The following FSIP1 variants were observed in gnomAD, a reference collection of about 807,000 sequenced individuals.
FSIP1 encodes fibrous sheath interacting protein 1, also known as fibrous sheath-interacting protein 1.
In FSIP1, 65 loss-of-function variants were observed where a neutral mutation model predicts 60.9. The ratio of observed to expected loss-of-function variants is 1.07; its 90% CI spans 0.87 to 1.31. The LOEUF (loss-of-function observed/expected upper bound fraction) is 1.31, where lower values mean the gene tolerates loss of function less well. Among genes scored for constraint, FSIP1 ranks in the 40% most tolerant of loss-of-function variants. The pLI is 0.00. For synonymous variants in FSIP1, 209 were observed against 221.2 expected (o/e 0.94, Z 0.49); for missense variants, 675 against 665.5 (o/e 1.01, Z -0.16).
Position 39,702,714 on chromosome 15 carries a change from A to C in FSIP1, c.1188+10730T>G, listed in dbSNP as rs1366974028. On this transcript the variant is annotated intron_variant, in intron 10 of 11. Transcript: ENST00000350221. ...GTGTGAGTGTGTATCACATATTATA[A>C]TTTTTACAATAATTATTTTATATAA... is the stretch of plus-strand genomic sequence containing the variant. Among the ~76,000 whole-genome samples, 4 of 151,020 alleles carry C rather than the reference A, an allele frequency of 2.6e-5. No homozygotes were observed. The East Asian group carries it at 7.8e-4, about 29-fold the overall frequency.
At chr15:39,697,348 G>A (rs1894861986) in intron 10 of FSIP1, among the ~76,000 whole-genome samples, 1 of 152,192 alleles carries the variant, frequency 6.6e-6, no homozygotes, top group African/African-American at 2.4e-5. Flanking sequence ...CGCCTCAGTG[G>A]AGGCAGGGCC....
At chr15:39,743,057 T>C (rs1896858389) in intron 5 of FSIP1, among the ~76,000 whole-genome samples, 1 of 152,222 alleles carries the variant, frequency 6.6e-6, no homozygotes. Context: ...CAACATTTTA[T>C]TATCAGTTTA....
At chr15:39,776,811 G>C (rs1055761987) in intron 1 of FSIP1, among the ~76,000 whole-genome samples, 2 of 152,002 alleles carry the variant, frequency 1.3e-5, no homozygotes, top group Admixed American at 1.3e-4. Flanking sequence ...TTGCTTCCTG[G>C]GCCTCCAGGA....
chr15:39,651,488 C>A (rs4606692), intron 10 of FSIP1, among the ~76,000 whole-genome samples: 1 of 152,086 alleles, frequency 6.6e-6, no homozygotes, highest in African/African-American at 2.4e-5. Flanking sequence ...TTCCTCCTCA[C>A]AGCAGGTGTG....
At chr15:39,599,771 A>T (rs1890575737), downstream of FSIP1, among the ~76,000 whole-genome samples, 1 of 152,220 alleles carries the variant, frequency 6.6e-6, no homozygotes, top group African/African-American at 2.4e-5. Context: ...ACAACTTTTA[A>T]CTTATACTTC....
At chr15:39,689,732 A>C (rs1224802272) in intron 10 of FSIP1, among the ~76,000 whole-genome samples, 3 of 152,230 alleles carry the variant, frequency 2.0e-5, no homozygotes, top group African/African-American at 7.2e-5. Context: ...ACTTAATCAA[A>C]TTACTGTATT....
intron 11 of FSIP1, among the ~76,000 whole-genome samples, chr15:39,616,258 T>C (rs1246712064): frequency 6.6e-6 from 1 of 152,232 alleles, no homozygotes; most frequent in Non-Finnish European, 1.5e-5. Flanking sequence ...TAAAACTGGT[T>C]ATACATTTAA....
intron 9 of FSIP1, among the ~76,000 whole-genome samples, chr15:39,715,248 C>G (rs1336837768): frequency 6.6e-6 from 1 of 152,116 alleles, no homozygotes; most frequent in African/African-American, 2.4e-5. Context: ...TCCCCCAATT[C>G]CAACCCTCCA....
At chr15:39,607,235 T>C (rs1240906749) in intron 11 of FSIP1, among the ~76,000 whole-genome samples, 1 of 152,238 alleles carries the variant, frequency 6.6e-6, no homozygotes, top group African/African-American at 2.4e-5. Context: ...TGGTTTTACA[T>C]GGACAGGTCT....
At chr15:39,712,616 G>A (rs62004768) in intron 10 of FSIP1, among the ~76,000 whole-genome samples, 16,370 of 152,142 alleles carry the variant, frequency 0.11, 1,015 homozygotes, top group Middle Eastern at 0.23. Context: ...GGTAATTACC[G>A]CAAGACCACA....
intron 5 of FSIP1, among the ~76,000 whole-genome samples, chr15:39,753,196 C>T (rs1897213553): frequency 1.3e-5 from 2 of 151,952 alleles, no homozygotes; most frequent in Admixed American, 6.6e-5. Context: ...CAGAGAAGTG[C>T]CTCCAAGAAA....
chr15:39,756,024 T>A (rs566682960), intron 5 of FSIP1, among the ~76,000 whole-genome samples: 1 of 152,190 alleles, frequency 6.6e-6, no homozygotes, highest in East Asian at 1.9e-4. Flanking sequence ...AGTAATGGGA[T>A]GGGACAGACT....
chr15:39,668,536 C>G (rs1893592383), intron 10 of FSIP1, among the ~76,000 whole-genome samples: 1 of 152,164 alleles, frequency 6.6e-6, no homozygotes, highest in South Asian at 2.1e-4. Context: ...AGAAAATTAG[C>G]CTATATTGTG....
chr15:39,755,609 T>C (rs1897277362), intron 5 of FSIP1, among the ~76,000 whole-genome samples: 1 of 152,158 alleles, frequency 6.6e-6, no homozygotes, highest in Non-Finnish European at 1.5e-5. Flanking sequence ...TTCCTCCCTC[T>C]ACCCTCTGCA....
chr15:39,732,395 A>C (rs1896439608), intron 8 of FSIP1, among the ~76,000 whole-genome samples: 1 of 152,108 alleles, frequency 6.6e-6, no homozygotes, highest in Non-Finnish European at 1.5e-5. Context: ...TGAGGTGGGC[A>C]GATCACCTGA....
intron 11 of FSIP1, among the ~76,000 whole-genome samples, chr15:39,615,602 A>G (rs1475295843): frequency 2.0e-5 from 3 of 152,016 alleles, no homozygotes; most frequent in African/African-American, 7.2e-5. Flanking sequence ...CAAAAGATGA[A>G]AGAGACTGGG....
intron 5 of FSIP1, among the ~76,000 whole-genome samples, chr15:39,750,949 G>T (rs1278047063): frequency 6.6e-6 from 1 of 151,674 alleles, no homozygotes; most frequent in Non-Finnish European, 1.5e-5. Context: ...AGAAAACATA[G>T]CCTGATTAAA....
At chr15:39,667,392 G>A (rs1424950768) in intron 10 of FSIP1, among the ~76,000 whole-genome samples, 1 of 152,098 alleles carries the variant, frequency 6.6e-6, no homozygotes, top group East Asian at 1.9e-4. Flanking sequence ...GACTTAAGTG[G>A]GATTTACACC....
chr15:39,732,308 G>A (rs1379454508), intron 8 of FSIP1, among the ~76,000 whole-genome samples: 1 of 152,136 alleles, frequency 6.6e-6, no homozygotes, highest in Non-Finnish European at 1.5e-5. Flanking sequence ...AGATTCAAGA[G>A]AAGATTACAT....
Sources: gnomAD v4.1 joint callset for allele counts (sites outside exome capture counted in the v4.1 genomes callset) on GRCh38, gnomAD v4.1.1 for gene constraint, MANE v1.5 for transcripts, NCBI Gene and HGNC (gene_info 2026-07-23, HGNC 2026-07-21) for gene names.